DNAI4: variants seen among roughly 807,000 people sequenced by gnomAD.
The protein encoded by DNAI4 is WD repeat domain 78.
A neutral mutation model predicts 105.8 loss-of-function variants in DNAI4; 85 were observed. That is an observed-to-expected ratio of 0.80 (90% confidence interval 0.67 to 0.96). The LOEUF (loss-of-function observed/expected upper bound fraction) is 0.96. Ranked by LOEUF, DNAI4 falls within the 40% of genes least tolerant of loss-of-function variation. The probability of loss-of-function intolerance (pLI) is 0.00; values close to 1 mark genes in which losing one functional copy is unlikely to be tolerated. For synonymous variants in DNAI4, 352 were observed against 331.5 expected, an observed-to-expected ratio of 1.06 and a Z score of -0.67; for missense variants, 1,014 against 1,005.6, an observed-to-expected ratio of 1.01 and a Z score of -0.11.
rs1032781096 is a variant in DNAI4 at position 66,826,776 on chromosome 1, G to T, written c.2339+44C>A. 3 of 1,563,146 alleles carry T rather than the reference G, an allele frequency of 1.9e-6. No homozygotes were observed. The South Asian group carries it at 3.5e-5, about 18-fold the overall frequency. On this transcript the variant is annotated intron_variant, in intron 15 of 16. Transcript: ENST00000371026. The stretch of plus-strand genomic sequence containing the variant: ...AAAACTATCAGGTATCACTTAGTTT[G>T]AACTGCTTCTACTAAAATTTATGCA...
At chr1:66,884,352 G>A (rs1201585169) in intron 4 of DNAI4, among the ~76,000 whole-genome samples, 2 of 152,112 alleles carry the variant, frequency 1.3e-5, no homozygotes, top group Non-Finnish European at 2.9e-5. Flanking sequence ...TAGGATTGCT[G>A]GATCTTATGG....
chr1:66,830,250 A>G (rs985532190), intron 13 of DNAI4, among the ~76,000 whole-genome samples: 1 of 152,170 alleles, frequency 6.6e-6, no homozygotes, highest in Non-Finnish European at 1.5e-5. Flanking sequence ...AAATAGTGAA[A>G]ACCAATTAAG....
chr1:66,899,214 C>T (rs1360442179), intron 2 of DNAI4, among the ~76,000 whole-genome samples: 1 of 152,148 alleles, frequency 6.6e-6, no homozygotes, highest in African/African-American at 2.4e-5. Flanking sequence ...ATTTATATTC[C>T]CACAAGCAGT....
chr1:66,847,732 C>T (rs1646308930), intron 7 of DNAI4, 54 bp from the exon 8 acceptor site: 3 of 1,335,776 alleles, frequency 2.2e-6, no homozygotes, highest in Non-Finnish European at 3.1e-6. Context: ...ATGGTTCATA[C>T]ATTCTAAAGA....
At chr1:66,911,365 C>T (rs1255842831) in intron 1 of DNAI4, among the ~76,000 whole-genome samples, 1 of 152,164 alleles carries the variant, frequency 6.6e-6, no homozygotes, top group Non-Finnish European at 1.5e-5. Flanking sequence ...TGAACCCAGT[C>T]CTTTTGGTTT....
intron 16 of DNAI4, among the ~76,000 whole-genome samples, chr1:66,820,388 C>T (rs1186673840): frequency 1.3e-5 from 2 of 152,042 alleles, no homozygotes; most frequent in East Asian, 3.9e-4. Context: ...CATATTTATT[C>T]AACAAGCATT....
chr1:66,894,932 A>G (rs1382417653), intron 2 of DNAI4, among the ~76,000 whole-genome samples: 1 of 152,180 alleles, frequency 6.6e-6, no homozygotes, highest in Non-Finnish European at 1.5e-5. Flanking sequence ...AAGTTTCTGG[A>G]AAAAATAACT....
intron 1 of DNAI4, among the ~76,000 whole-genome samples, chr1:66,910,670 C>T (rs1032184166): frequency 2.6e-5 from 4 of 152,166 alleles, no homozygotes; most frequent in Non-Finnish European, 4.4e-5. Context: ...CTCTCAAGTA[C>T]TTCATATCTT....
At position 66,827,063 on chromosome 1, in the gene DNAI4, A is replaced by G. The variant is rs756568780; in HGVS notation, c.2113-17T>C. 3 of 1,566,014 alleles carry G rather than the reference A, an allele frequency of 1.9e-6. No individual in the cohort carries two copies. Among genetic ancestry groups the G allele is most frequent in the African/African-American group, 1.4e-5 (1 of 72,846 alleles). On this transcript the variant is annotated splice_polypyrimidine_tract_variant and intron_variant, in intron 14 of 16. Transcript: ENST00000371026. ...CACTGGACCCTAGAAATAAAAAAAA[A>G]ATACATAGGTAAATAATATTTAACA...
chr1:66,859,113 A>G (rs1257529882), intron 7 of DNAI4, among the ~76,000 whole-genome samples: 3 of 152,220 alleles, frequency 2.0e-5, no homozygotes, highest in Admixed American at 6.5e-5. Context: ...TAAATTGTAC[A>G]TAGGACCCTT....
At chr1:66,881,993 A>G (rs896367304) in intron 4 of DNAI4, among the ~76,000 whole-genome samples, 1 of 151,834 alleles carries the variant, frequency 6.6e-6, no homozygotes, top group Non-Finnish European at 1.5e-5. Context: ...TCCCTGAACA[A>G]CCTCTCTTGT....
chr1:66,866,110 C>T (rs1490505435), intron 6 of DNAI4, among the ~76,000 whole-genome samples: 1 of 152,088 alleles, frequency 6.6e-6, no homozygotes, highest in African/African-American at 2.4e-5. Context: ...AGTTTGAGAT[C>T]AGCCTGGCCA....
intron 6 of DNAI4, among the ~76,000 whole-genome samples, chr1:66,866,056 C>T (rs1646726502): frequency 6.6e-6 from 1 of 152,142 alleles, no homozygotes; most frequent in Non-Finnish European, 1.5e-5. Context: ...TGTCTCATCC[C>T]AGCACTTTGG....
At chr1:66,876,907 C>T (rs1414265463) in intron 4 of DNAI4, among the ~76,000 whole-genome samples, 1 of 152,154 alleles carries the variant, frequency 6.6e-6, no homozygotes, top group African/African-American at 2.4e-5. Flanking sequence ...ACTCATGAAT[C>T]CCCTTGAGAG....
intron 16 of DNAI4, among the ~76,000 whole-genome samples, chr1:66,814,409 G>C (rs1157179215): frequency 5.3e-5 from 8 of 151,326 alleles, no homozygotes; most frequent in Admixed American, 1.3e-4. Flanking sequence ...TTGCTCTGTC[G>C]CCAGGCTGGA....
At chr1:66,847,286 A>T (rs532019551) in intron 8 of DNAI4, among the ~76,000 whole-genome samples, 198 bp downstream of exon 8, 1 of 152,222 alleles carries the variant, frequency 6.6e-6, no homozygotes, top group African/African-American at 2.4e-5. Context: ...TTGTCTAAAC[A>T]TGATATCTTC....
chr1:66,868,961 A>C (rs1646785986), intron 6 of DNAI4, among the ~76,000 whole-genome samples: 1 of 151,800 alleles, frequency 6.6e-6, no homozygotes, highest in South Asian at 2.1e-4. Context: ...GTAGTCCCAG[A>C]TACTTGGGAG....
chr1:66,817,907 A>C (rs564262134), intron 16 of DNAI4, among the ~76,000 whole-genome samples: 78 of 152,298 alleles, frequency 5.1e-4, no homozygotes, highest in African/African-American at 1.8e-3. Flanking sequence ...AAATGTTCAC[A>C]ATGTCAGGCT....
At chr1:66,892,969 GAAAGA>G (rs1647824247) in intron 3 of DNAI4, among the ~76,000 whole-genome samples, 1 of 126,336 alleles carries the variant, frequency 7.9e-6, no homozygotes, top group Admixed American at 7.9e-5. Flanking sequence ...AAGAAAGAAA[GAAAGA>G]AAGAAAGAAA....
Sources: allele counts gnomAD v4.1 joint callset (sites outside exome capture counted in the v4.1 genomes callset), GRCh38; gene constraint gnomAD v4.1.1; transcripts MANE v1.5; gene names NCBI Gene and HGNC (gene_info 2026-07-23, HGNC 2026-07-21).